Variants in DROSHA observed in about 807,000 individuals in gnomAD.
DROSHA encodes ribonuclease 3.
A neutral mutation model predicts 181.9 loss-of-function variants in DROSHA; 56 were observed. The ratio of observed to expected loss-of-function variants is 0.31; its 90% confidence interval spans 0.25 to 0.38. The LOEUF is 0.38. DROSHA is among the 10% of genes least tolerant of loss of function. The pLI, the probability that DROSHA is intolerant of heterozygous loss-of-function variation, is 1.00. For missense variants in DROSHA, 1,218 were observed against 1,743.5 expected (o/e 0.70, Z 5.37); for synonymous variants, 524 against 591.2 (o/e 0.89, Z 1.65).
chr5:31,432,071 G>A (rs1268999668), intron 25 of DROSHA, among the ~76,000 whole-genome samples: 1 of 151,608 alleles, frequency 6.6e-6, no homozygotes, highest in Non-Finnish European at 1.5e-5. Flanking sequence ...ACTTCTGAAA[G>A]TCAATTTTAC....
At chr5:31,458,713 C>T (rs1157939262) in intron 20 of DROSHA, among the ~76,000 whole-genome samples, 2 of 152,200 alleles carry the variant, frequency 1.3e-5, no homozygotes, top group East Asian at 3.8e-4. Context: ...CATGTGTCTA[C>T]TGAGCACTCA....
chr5:31,457,046 A>T lies in DROSHA; in HGVS notation c.2575-5406T>A, dbSNP rs771774271. On this transcript the variant is annotated intron_variant, in intron 20 of 35. Coordinates refer to ENST00000344624, the MANE Select transcript of DROSHA (RefSeq NM_001382508.1). Reference sequence around the variant, plus strand: ...ATCTCAGTAGAGAAAAGTGTAAGATACCACCATTCATACAAGAAAGAGGAA... The same window carrying T: ...ATCTCAGTAGAGAAAAGTGTAAGATTCCACCATTCATACAAGAAAGAGGAA... Among the ~76,000 whole-genome samples, 58 of 151,818 alleles carry T rather than the reference A, an allele frequency of 3.8e-4. 1 individual carries two copies. Among genetic ancestry groups the T allele is most frequent in the Admixed American group, 1.3e-4 (2 of 15,240 alleles).
At chr5:31,460,830 A>G (rs1446312760) in intron 20 of DROSHA, among the ~76,000 whole-genome samples, 1 of 152,190 alleles carries the variant, frequency 6.6e-6, no homozygotes, top group Admixed American at 6.5e-5. Flanking sequence ...TATGTGAGGA[A>G]AACACAAAAG....
At chr5:31,497,188 G>A (rs1228288987) in intron 11 of DROSHA, among the ~76,000 whole-genome samples, 1 of 148,410 alleles carries the variant, frequency 6.7e-6, no homozygotes, top group East Asian at 2.0e-4. Context: ...TGGAGAAGCT[G>A]CGCAGTCCCA....
At position 31,483,467 on chromosome 5, in the gene DROSHA, A is replaced by T. The variant is rs1035706280; in HGVS notation, c.2071+87T>A. The T allele has an allele frequency of 6.1e-6, 8 of 1,315,144 alleles. No individual in the cohort carries two copies. In the African/African-American group the frequency reaches 1.2e-4, roughly 19 times the overall value. 81.5% of individuals were successfully genotyped at this position (1,315,144 alleles called of 1,614,324 possible). On this transcript the variant is annotated intron_variant, in intron 16 of 35. Coordinates refer to ENST00000344624, the MANE Select transcript of DROSHA (RefSeq NM_001382508.1). ...TAATTAACAGTATCGAAGGTGGGAA[A>T]GTTGTCCCTGAAGACTGAAAGGAAA...
At chr5:31,460,932 C>T (rs535007895) in intron 20 of DROSHA, among the ~76,000 whole-genome samples, 31 of 151,964 alleles carry the variant, frequency 2.0e-4, no homozygotes, top group African/African-American at 7.5e-4. Flanking sequence ...ACTGTTGGTC[C>T]CTTTCTCAAA....
At chr5:31,439,307 T>C (rs1295128839) in intron 23 of DROSHA, among the ~76,000 whole-genome samples, 1 of 152,240 alleles carries the variant, frequency 6.6e-6, no homozygotes, top group Non-Finnish European at 1.5e-5. Flanking sequence ...CTATTCCACC[T>C]GGGATAATCC....
At chr5:31,424,615 A>G in intron 27 of DROSHA, 144 bp from the exon 28 acceptor site, 1 of 1,051,470 alleles carries the variant, frequency 9.5e-7, no homozygotes, top group Non-Finnish European at 1.3e-6. Flanking sequence ...CTGGCAAACT[A>G]ATTTTTTTTT....
chr5:31,438,217 C>T (rs1467120173), intron 23 of DROSHA, among the ~76,000 whole-genome samples: 1 of 152,172 alleles, frequency 6.6e-6, no homozygotes, highest in East Asian at 1.9e-4. Context: ...TCTCTCACTG[C>T]CCCGTTGGTT....
chr5:31,450,070 A>G (rs1178323899), intron 21 of DROSHA, among the ~76,000 whole-genome samples: 2 of 152,214 alleles, frequency 1.3e-5, no homozygotes, highest in Non-Finnish European at 2.9e-5. Flanking sequence ...AGAATGTTCA[A>G]CATCACTAAT....
At chr5:31,509,090 T>A (rs1052223223) in intron 9 of DROSHA, among the ~76,000 whole-genome samples, 1 of 152,152 alleles carries the variant, frequency 6.6e-6, no homozygotes, top group African/African-American at 2.4e-5. Flanking sequence ...CCTAAAGTGC[T>A]GGGATTATAG....
intron 3 of DROSHA, 72 bp from the exon 4 acceptor site, chr5:31,529,177 A>T: frequency 7.4e-7 from 1 of 1,357,136 alleles, no homozygotes. Flanking sequence ...ATATTTCTGC[A>T]ATTACCATAA....
intron 11 of DROSHA, among the ~76,000 whole-genome samples, chr5:31,495,978 G>T (rs1462988345): frequency 6.6e-6 from 1 of 152,188 alleles, no homozygotes; most frequent in Admixed American, 6.5e-5. Context: ...TGGCTACAAG[G>T]TGCCAAGTTG....
chr5:31,405,764 A>ATTATTTTTT, intron 34 of DROSHA, 41 bp from the exon 35 acceptor site: 1 of 544,952 alleles, frequency 1.8e-6, no homozygotes, highest in Non-Finnish European at 2.7e-6. Context: ...TAATTTCAAG[A>ATTATTTTTT]TTCTTTTTTT....
intron 20 of DROSHA, among the ~76,000 whole-genome samples, chr5:31,453,812 A>C (rs1294166610): frequency 6.6e-6 from 1 of 152,146 alleles, no homozygotes; most frequent in Non-Finnish European, 1.5e-5. Flanking sequence ...TCAAGTCTCA[A>C]TGTTACCTAC....
chr5:31,525,692 A>G (rs1471495459), intron 5 of DROSHA, among the ~76,000 whole-genome samples: 1 of 152,170 alleles, frequency 6.6e-6, no homozygotes, highest in East Asian at 1.9e-4. Flanking sequence ...GCAGATCGCC[A>G]GTTCCAAAAA....
intron 16 of DROSHA, among the ~76,000 whole-genome samples, chr5:31,475,528 T>TA (rs1383100618): frequency 2.0e-5 from 3 of 152,168 alleles, no homozygotes; most frequent in Non-Finnish European, 2.9e-5. Flanking sequence ...ACGTTGTCTA[T>TA]ACACTTCACA....
At chr5:31,458,420 G>A (rs990041308) in intron 20 of DROSHA, among the ~76,000 whole-genome samples, 1 of 152,146 alleles carries the variant, frequency 6.6e-6, no homozygotes, top group African/African-American at 2.4e-5. Flanking sequence ...CTTCATCTCA[G>A]GGTAATCAAA....
intron 20 of DROSHA, chr5:31,463,990 G>T: frequency 2.0e-6 from 1 of 496,078 alleles, no homozygotes; most frequent in Non-Finnish European, 3.6e-6. Context: ...ACACTGAACT[G>T]AACACTACTA....
Sources: allele counts gnomAD v4.1 joint callset (sites outside exome capture counted in the v4.1 genomes callset), GRCh38; gene constraint gnomAD v4.1.1; transcripts MANE v1.5; gene names NCBI Gene and HGNC (gene_info 2026-07-23, HGNC 2026-07-21).